FANK1: variants seen among roughly 807,000 people sequenced by gnomAD.
FANK1 encodes the protein fibronectin type 3 and ankyrin repeat domains protein 1.
FANK1 carries 44 observed loss-of-function variants against 45.3 expected under a neutral mutation model. The ratio of observed to expected loss-of-function variants is 0.97; its 90% CI spans 0.76 to 1.25. The LOEUF is 1.25. Among genes scored for constraint, FANK1 ranks in the 50% most tolerant of loss-of-function variants. The pLI is 0.00. For synonymous variants in FANK1, 149 were observed against 152.5 expected (o/e 0.98, Z 0.17); for missense variants, 391 against 424.4 (o/e 0.92, Z 0.69).
chr10:125,929,300 A>C (rs561442325), intron 1 of FANK1, among the ~76,000 whole-genome samples: 1 of 147,914 alleles, frequency 6.8e-6, no homozygotes, highest in African/African-American at 2.7e-5. Flanking sequence ...CAGCCTTCAG[A>C]ATAGGTGAAA....
chr10:125,970,294 C>T (rs971656185), intron 1 of FANK1, among the ~76,000 whole-genome samples: 5 of 151,128 alleles, frequency 3.3e-5, no homozygotes, highest in Non-Finnish European at 7.4e-5. Flanking sequence ...GGGGCGCCCC[C>T]TGCCTCCCAG....
chr10:125,988,751 G>C, intron 3 of FANK1, 76 bp downstream of exon 3: 2 of 1,610,140 alleles, frequency 1.2e-6, no homozygotes, highest in South Asian at 2.2e-5. Flanking sequence ...AAAATATTCT[G>C]CCTCTCGTTT....
intron 1 of FANK1, among the ~76,000 whole-genome samples, chr10:125,968,976 A>C (rs149134686): frequency 0.016 from 2,483 of 152,300 alleles, 33 homozygotes; most frequent in South Asian, 0.033. Flanking sequence ...CAGAGGCATA[A>C]AATTGTTTTA....
intron 1 of FANK1, among the ~76,000 whole-genome samples, chr10:125,943,689 ATGT>A (rs1216044916): frequency 1.3e-5 from 2 of 152,298 alleles, no homozygotes; most frequent in Admixed American, 6.5e-5. Context: ...AGTCTTTAAG[ATGT>A]TGTGTACTTT....
chr10:125,900,800 C>T (rs112805019), intron 1 of FANK1, among the ~76,000 whole-genome samples: 13 of 151,188 alleles, frequency 8.6e-5, no homozygotes, highest in South Asian at 2.1e-4. Context: ...TACAGGTGCA[C>T]GCCATCATGC....
At chr10:125,950,987 G>A (rs369923616) in intron 1 of FANK1, among the ~76,000 whole-genome samples, 107 of 148,702 alleles carry the variant, frequency 7.2e-4, no homozygotes, top group South Asian at 1.7e-3. Flanking sequence ...GTAAACTATC[G>A]CAAGAACAAA....
At chr10:125,932,970 T>A (rs1008386127) in intron 1 of FANK1, among the ~76,000 whole-genome samples, 3 of 152,310 alleles carry the variant, frequency 2.0e-5, no homozygotes, top group Middle Eastern at 3.4e-3. Context: ...ATGTCATTTT[T>A]TTTTAAATTT....
At chr10:125,913,863 C>T (rs76366717) in intron 1 of FANK1, among the ~76,000 whole-genome samples, 2 of 152,146 alleles carry the variant, frequency 1.3e-5, no homozygotes, top group Non-Finnish European at 2.9e-5. Flanking sequence ...CAAGACCAGG[C>T]AGTTTACACA....
At chr10:125,998,497 A>G (rs1441575393) in intron 6 of FANK1, among the ~76,000 whole-genome samples, 1 of 152,256 alleles carries the variant, frequency 6.6e-6, no homozygotes, top group Non-Finnish European at 1.5e-5. Flanking sequence ...AAAGAAAAAA[A>G]GTATGAGGAG....
chr10:125,993,860 T>A (rs894845240), intron 3 of FANK1, among the ~76,000 whole-genome samples: 2 of 152,242 alleles, frequency 1.3e-5, no homozygotes, highest in African/African-American at 4.8e-5. Flanking sequence ...TAATTTAAAC[T>A]TGGCATAAAT....
At chr10:125,971,249 A>G (rs1234865434) in intron 1 of FANK1, among the ~76,000 whole-genome samples, 1 of 152,102 alleles carries the variant, frequency 6.6e-6, no homozygotes. Context: ...CTAATGCAGC[A>G]TTTGACTGGC....
At chr10:125,897,583 A>AT (rs1473603437) in intron 1 of FANK1, among the ~76,000 whole-genome samples, 2 of 152,300 alleles carry the variant, frequency 1.3e-5, no homozygotes, top group Non-Finnish European at 2.9e-5. Flanking sequence ...AAATGTTGGC[A>AT]TTTTTAAAGG....
intron 1 of FANK1, among the ~76,000 whole-genome samples, chr10:125,949,024 A>T (rs998284551): frequency 6.7e-6 from 1 of 150,052 alleles, no homozygotes; most frequent in African/African-American, 2.5e-5. Flanking sequence ...AAACCACATG[A>T]TTATCTCAAT....
intron 2 of FANK1, among the ~76,000 whole-genome samples, chr10:125,985,301 T>A (rs1450948827): frequency 2.0e-5 from 3 of 152,246 alleles, no homozygotes; most frequent in African/African-American, 7.2e-5. Flanking sequence ...TCTTTTCAGA[T>A]GCCACACATT....
At chr10:125,987,310 C>G (rs1398129360) in intron 2 of FANK1, among the ~76,000 whole-genome samples, 2 of 151,766 alleles carry the variant, frequency 1.3e-5, no homozygotes, top group Non-Finnish European at 2.9e-5. Context: ...TTTAGTTGCA[C>G]ATAAACATCC....
intron 1 of FANK1, among the ~76,000 whole-genome samples, chr10:125,954,239 A>G (rs1220775539): frequency 6.6e-6 from 1 of 152,194 alleles, no homozygotes; most frequent in Non-Finnish European, 1.5e-5. Flanking sequence ...GGCTCTGTAG[A>G]TAAGGACCAG....
intron 1 of FANK1, chr10:125,979,844 T>A (rs774145815): frequency 1.2e-5 from 6 of 491,530 alleles, no homozygotes; most frequent in Non-Finnish European, 2.4e-5. Context: ...AGAAGCAAAC[T>A]GAGTTCCAGC....
intron 1 of FANK1, among the ~76,000 whole-genome samples, chr10:125,970,965 G>C (rs558749659): frequency 2.6e-5 from 4 of 152,328 alleles, no homozygotes; most frequent in South Asian, 4.1e-4. Context: ...CTAGTGTCAA[G>C]TGAGCCAGGA....
chr10:125,964,758 G>T (rs1950118233), intron 1 of FANK1, among the ~76,000 whole-genome samples: 1 of 152,160 alleles, frequency 6.6e-6, no homozygotes, highest in African/African-American at 2.4e-5. Flanking sequence ...TGGAATTGCA[G>T]GATGATAGAG....
Sources: allele counts gnomAD v4.1 joint callset (sites outside exome capture counted in the v4.1 genomes callset), GRCh38; gene constraint gnomAD v4.1.1; transcripts MANE v1.5; gene names NCBI Gene and HGNC (gene_info 2026-07-23, HGNC 2026-07-21).